Variants in CDYL2 observed in about 807,000 individuals in gnomAD.
CDYL2 encodes chromodomain Y-like protein 2.
CDYL2 carries 23 observed loss-of-function variants against 49.4 expected under a neutral mutation model. That is an observed-to-expected ratio of 0.47 (90% CI 0.34 to 0.66). CDYL2 has a LOEUF of 0.66. Ranked by LOEUF, CDYL2 falls within the 30% of genes least tolerant of loss-of-function variation. The probability of loss-of-function intolerance (pLI) is 0.01; values close to 1 mark genes in which losing one functional copy is unlikely to be tolerated. For missense variants in CDYL2, 678 were observed against 656.4 expected, an observed-to-expected ratio of 1.03 and a Z score of -0.36; for synonymous variants, 360 against 268.8, an observed-to-expected ratio of 1.34 and a Z score of -3.32.
intron 1 of CDYL2, among the ~76,000 whole-genome samples, chr16:80,739,160 G>GACA (rs1905645877): frequency 6.6e-6 from 1 of 152,236 alleles, no homozygotes. Context: ...GTCATGAAAA[G>GACA]ACTGTATGAT....
chr16:80,683,459 C>A (rs1299578458), intron 2 of CDYL2, among the ~76,000 whole-genome samples: 2 of 152,242 alleles, frequency 1.3e-5, no homozygotes, highest in African/African-American at 4.8e-5. Context: ...TGGGTCATCA[C>A]CTCCTGTTTC....
chr16:80,606,421 A>T (rs1906336713), intron 6 of CDYL2, among the ~76,000 whole-genome samples: 1 of 152,146 alleles, frequency 6.6e-6, no homozygotes, highest in African/African-American at 2.4e-5. Context: ...GCCACAGAAC[A>T]GGCCAACCCC....
intron 1 of CDYL2, among the ~76,000 whole-genome samples, chr16:80,746,406 G>A (rs1328242521): frequency 6.6e-6 from 1 of 152,160 alleles, no homozygotes; most frequent in Non-Finnish European, 1.5e-5. Context: ...GTTCCATTTG[G>A]CACCGACTCC....
intron 1 of CDYL2, among the ~76,000 whole-genome samples, chr16:80,731,795 G>A (rs1371430503): frequency 6.6e-6 from 1 of 151,962 alleles, no homozygotes; most frequent in Non-Finnish European, 1.5e-5. Flanking sequence ...ATCTCTAAAG[G>A]TTAACTTTCC....
intron 1 of CDYL2, among the ~76,000 whole-genome samples, chr16:80,796,164 T>C (rs1907763301): frequency 6.6e-6 from 1 of 152,250 alleles, no homozygotes; most frequent in Non-Finnish European, 1.5e-5. Flanking sequence ...GTGGGAATAC[T>C]TGGGCCCAGG....
At chr16:80,674,376 G>GAAACGGT (rs979995710) in intron 2 of CDYL2, among the ~76,000 whole-genome samples, 2 of 152,148 alleles carry the variant, frequency 1.3e-5, no homozygotes, top group Admixed American at 1.3e-4. Flanking sequence ...AAGCAGTAGG[G>GAAACGGT]AAACGGTAGC....
chr16:80,614,287 C>A (rs1906728468), intron 4 of CDYL2, among the ~76,000 whole-genome samples: 1 of 152,228 alleles, frequency 6.6e-6, no homozygotes, highest in African/African-American at 2.4e-5. Flanking sequence ...GTGGCCAAGT[C>A]ACCAAGTGCT....
chr16:80,804,248 C>G lies in CDYL2; in HGVS notation c.-75G>C, dbSNP rs1908028263. The G allele has an allele frequency of 7.8e-7, 1 of 1,281,216 alleles. No homozygotes were observed. The highest frequency in any genetic ancestry group is 1.0e-6 in the Non-Finnish European group (1 of 976,166). The allele number at this position is 1,281,216 out of a possible 1,614,324, so 79.4% of individuals were successfully genotyped here. On this transcript the variant is annotated 5_prime_UTR_variant, in exon 1 of 7. Coordinates refer to ENST00000570137, the MANE Select transcript of CDYL2 (RefSeq NM_152342.4). ...CCCTCCGTGCGTGTGCGCGCGGGGT[C>G]CGGTGTGCGCGTGTGTGTGCGCGCG... is the stretch of plus-strand genomic sequence containing the variant.
Position 80,758,692 on chromosome 16 carries a change from G to A in CDYL2, c.24+45458C>T, listed in dbSNP as rs1005159702. Among the ~76,000 whole-genome samples, 7 of 151,704 alleles carry A rather than the reference G, an allele frequency of 4.6e-5. No individual in the cohort carries two copies. In the East Asian group the frequency reaches 5.8e-4, roughly 13 times the overall value. ...CGAGTAGCTGGGACTACAGGCACCCGCCACCACACCCAGCTAATTTTTTGT... is the reference window on the plus strand; with the variant it reads ...CGAGTAGCTGGGACTACAGGCACCCACCACCACACCCAGCTAATTTTTTGT... On this transcript the variant is annotated intron_variant, in intron 1 of 6. Coordinates refer to ENST00000570137, the MANE Select transcript of CDYL2 (RefSeq NM_152342.4).
chr16:80,750,379 A>C (rs1190377031), intron 1 of CDYL2, among the ~76,000 whole-genome samples: 1 of 151,734 alleles, frequency 6.6e-6, no homozygotes, highest in Non-Finnish European at 1.5e-5. Context: ...ATAAAAAATA[A>C]AAACAGTAGA....
chr16:80,706,164 A>C (rs112801764), intron 1 of CDYL2, among the ~76,000 whole-genome samples: 2 of 152,350 alleles, frequency 1.3e-5, no homozygotes, highest in African/African-American at 4.8e-5. Context: ...CCAACATCAA[A>C]AGCTACTAAA....
At position 80,618,146 on chromosome 16, in the gene CDYL2, G is replaced by A. The variant is rs369485454; in HGVS notation, c.1007+2617C>T. Among the ~76,000 whole-genome samples the A allele has an allele frequency of 6.6e-5, 10 of 152,272 alleles. No individual in the cohort carries two copies. In the South Asian group the frequency reaches 8.3e-4, roughly 13 times the overall value. On this transcript the variant is annotated intron_variant, in intron 4 of 6. Coordinates refer to ENST00000570137, the MANE Select transcript of CDYL2 (RefSeq NM_152342.4). ...ATCGAGAAGAATTCCTCCTGCCTCC[G>A]CCATCTTGCCCTGTGCTCTGCCTAA...
intron 2 of CDYL2, among the ~76,000 whole-genome samples, chr16:80,667,176 A>C (rs1450005409): frequency 6.6e-6 from 1 of 152,160 alleles, no homozygotes. Flanking sequence ...TCACAGCGGG[A>C]GGCATTCAGA....
intron 1 of CDYL2, among the ~76,000 whole-genome samples, chr16:80,702,218 A>ACACACACACACACACACACACACAC (rs397797316): frequency 6.6e-6 from 1 of 151,496 alleles, no homozygotes; most frequent in African/African-American, 2.4e-5. Context: ...ACACACACAC[A>ACACACACACACACACACACACACAC]AAACTATAAA....
rs534916597 is a variant in CDYL2, at chr16:80,599,830, C to G, written c.*4558G>C. On this transcript the variant is annotated 3_prime_UTR_variant, in exon 7 of 7. Transcript: ENST00000570137. ...AACCATGTTTACAGTATGAAGGTGT[C>G]TCTGGAAAACCTATCCTTGGTCTAT... The G allele has an allele frequency of 6.6e-6, 1 of 152,304 alleles. No homozygotes were observed. Among genetic ancestry groups the G allele is most frequent in the South Asian group, 2.1e-4 (1 of 4,828 alleles). 9.4% of individuals were successfully genotyped at this position (152,304 alleles called of 1,614,324 possible). A position where few individuals can be genotyped will look rare whatever the true frequency, so the allele number is the denominator to read the frequency against.
chr16:80,630,127 T>A (rs1225873589), intron 3 of CDYL2, among the ~76,000 whole-genome samples: 1 of 152,176 alleles, frequency 6.6e-6, no homozygotes, highest in Non-Finnish European at 1.5e-5. Flanking sequence ...ACGGGCTGCT[T>A]TACCCAGTCA....
At chr16:80,631,790 G>C (rs1442450448) in intron 3 of CDYL2, among the ~76,000 whole-genome samples, 8 of 152,176 alleles carry the variant, frequency 5.3e-5, no homozygotes, top group Non-Finnish European at 4.4e-5. Flanking sequence ...ATGAAAAGAT[G>C]CTCAACATGA....
At position 80,712,185 on chromosome 16, in the gene CDYL2, G is replaced by GTATATATATATA. The variant is rs1032871818; in HGVS notation, c.25-27057_25-27056insTATATATATATA. On this transcript the variant is annotated intron_variant, in intron 1 of 6. Coordinates refer to ENST00000570137, the MANE Select transcript of CDYL2 (RefSeq NM_152342.4). ...TGTATATATATGTGTCTTTGTGTCT[G>GTATATATATATA]TGTGTGTATATATATATATATATAT... is the stretch of plus-strand genomic sequence containing the variant. Among the ~76,000 whole-genome samples, 9 of 15,584 alleles carry GTATATATATATA rather than the reference G, an allele frequency of 5.8e-4. No homozygotes were observed. In the East Asian group the frequency reaches 8.8e-3, roughly 15 times the overall value. The allele number at this position is 15,584 out of a possible 152,430, so 10.2% of individuals were successfully genotyped here.
intron 5 of CDYL2, among the ~76,000 whole-genome samples, chr16:80,610,662 G>T (rs1297447364): frequency 1.3e-5 from 2 of 152,158 alleles, no homozygotes; most frequent in Non-Finnish European, 2.9e-5. Flanking sequence ...CTCTGGGCAA[G>T]TCACTTAACG....
Sources: allele counts gnomAD v4.1 joint callset (sites outside exome capture counted in the v4.1 genomes callset), GRCh38; gene constraint gnomAD v4.1.1; transcripts MANE v1.5; gene names NCBI Gene and HGNC (gene_info 2026-07-23, HGNC 2026-07-21).